Variants in WDR86 observed in about 807,000 individuals in gnomAD.
WDR86 encodes the protein WD repeat-containing protein 86.
WDR86 carries 30 observed loss-of-function variants against 36.5 expected under a neutral mutation model. That is an observed-to-expected ratio of 0.82 (90% CI 0.61 to 1.11). WDR86 has a LOEUF of 1.11. WDR86 is among the 50% of genes most tolerant of loss of function. WDR86 has a pLI of 0.00. For synonymous variants in WDR86, 255 were observed against 252.9 expected, an observed-to-expected ratio of 1.01 and a Z score of -0.08; for missense variants, 545 against 561.2, an observed-to-expected ratio of 0.97 and a Z score of 0.29.
the WDR86 span, among the ~76,000 whole-genome samples, chr7:151,369,969 G>C: frequency 6.6e-6 from 1 of 152,168 alleles, no homozygotes; most frequent in Non-Finnish European, 1.5e-5. Flanking sequence ...GCAGTCACAG[G>C]GTTTCTCCTT....
At chr7:151,374,688 C>G (rs1254338517), downstream of WDR86, 3 of 192,884 alleles carry the variant, frequency 1.6e-5, no homozygotes, top group East Asian at 1.4e-4. Context: ...TTCAAAGAAC[C>G]CCTCAGGAGT....
intron 2 of WDR86, among the ~76,000 whole-genome samples, chr7:151,398,959 G>A (rs1800090469): frequency 6.6e-6 from 1 of 152,064 alleles, no homozygotes. Flanking sequence ...CTTTCTCAGG[G>A]AAGTCAGAGT....
Position 151,385,143 on chromosome 7 carries a change from G to T in WDR86, c.807C>A (p.Arg269=). 6.2e-7 allele frequency: 1 copy of T among 1,612,966 alleles called. No homozygotes were observed. The part of the protein sequence containing the change: ...CWLADTGECV[R]TFTAHRRNVS... ...CGTTGCGTCTGTGGGCCGTGAACGTGCGCACACACTCCCCTGTGTCTGCCA... is the reference window on the plus strand; with the variant it reads ...CGTTGCGTCTGTGGGCCGTGAACGTTCGCACACACTCCCCTGTGTCTGCCA... Residue 269 remains arginine, a synonymous_variant, in exon 4 of 6, where the codon CGC becomes CGA. Coordinates refer to ENST00000334493, the MANE Select transcript of WDR86 (RefSeq NM_198285.3).
At chr7:151,371,153 A>G (rs1797939052), downstream of WDR86, among the ~76,000 whole-genome samples, 1 of 152,192 alleles carries the variant, frequency 6.6e-6, no homozygotes, top group Non-Finnish European at 1.5e-5. Flanking sequence ...CTTCCACCCA[A>G]CAGATGTTGT....
rs781464544 is a variant in WDR86 at position 151,385,165 on chromosome 7, G to A, written c.785C>T (p.Ala262Val). Reference protein sequence around the residue: ...SADRTVKCWLADTGECVRTFT... With the variant: ...SADRTVKCWLVDTGECVRTFT... ...CGTGCGCACACACTCCCCTGTGTCT[G>A]CCAGCCAGCACTTGACGGTCCTGTC... Residue 262 changes from alanine to valine, a missense_variant, in exon 4 of 6, where the codon GCA becomes GTA. Coordinates refer to ENST00000334493, the MANE Select transcript of WDR86 (RefSeq NM_198285.3). 2.5e-6 allele frequency: 4 copies of A among 1,613,114 alleles called. No individual in the cohort carries two copies. Among genetic ancestry groups the A allele is most frequent in the Non-Finnish European group, 3.4e-6 (4 of 1,179,888 alleles).
chr7:151,369,693 G>GCAGGAGAGC, the WDR86 span, among the ~76,000 whole-genome samples: 1 of 152,194 alleles, frequency 6.6e-6, no homozygotes, highest in Non-Finnish European at 1.5e-5. Flanking sequence ...TGGAATATTA[G>GCAGGAGAGC]CAGGAGAGCC....
chr7:151,381,974 C>T lies in WDR86; in HGVS notation c.870G>A (p.Thr290=), dbSNP rs761283689. ...CCCGGGCGCAAGCGTCCCCGCTGCC[C>T]GTGAACACTGCGGACACACAGCGCG... ...ALKYHAGTLF[T]GSGDACARAF... is the part of the protein sequence containing the mutation. The change falls in exon 5 of 6, where the codon ACG becomes ACA. Residue 290 remains threonine, a synonymous_variant. Coordinates refer to ENST00000334493, the MANE Select transcript of WDR86 (RefSeq NM_198285.3). This position sits in a 1 kb window ranked among gnomAD's most constrained non-coding sequence, Gnocchi z 4.8. 4.4e-6 allele frequency: 7 copies of T among 1,602,130 alleles called. No homozygotes were observed. The highest frequency in any genetic ancestry group is 1.7e-5 in the Admixed American group (1 of 58,476).
At chr7:151,378,850 T>C (rs1478927662), downstream of WDR86, among the ~76,000 whole-genome samples, 2 of 152,232 alleles carry the variant, frequency 1.3e-5, no homozygotes, top group African/African-American at 2.4e-5. Context: ...TTAGCCATCA[T>C]AGAAGCAATG....
intron 4 of WDR86, among the ~76,000 whole-genome samples, chr7:151,383,696 T>C (rs1798774065): frequency 6.6e-6 from 1 of 152,186 alleles, no homozygotes. Flanking sequence ...TTTCAGCCCC[T>C]TTCTGCCTTC....
chr7:151,378,888 C>G (rs945024120), downstream of WDR86, among the ~76,000 whole-genome samples: 2 of 152,210 alleles, frequency 1.3e-5, no homozygotes, highest in Non-Finnish European at 2.9e-5. Context: ...AAAACTCTTC[C>G]GTGTCTTGTG....
chr7:151,403,241 C>A (rs528568302), intron 1 of WDR86, among the ~76,000 whole-genome samples: 1 of 152,068 alleles, frequency 6.6e-6, no homozygotes, highest in Admixed American at 6.5e-5. Context: ...AGGTGCAGAA[C>A]GTGTTGGGCA....
intron 1 of WDR86, chr7:151,408,900 T>C (rs755405943): frequency 3.2e-5 from 15 of 471,172 alleles, no homozygotes; most frequent in South Asian, 1.9e-4. Context: ...ACTCCCAGCC[T>C]GTTTCCACGT....
intron 4 of WDR86, among the ~76,000 whole-genome samples, chr7:151,383,361 T>C (rs556918974): frequency 4.6e-5 from 7 of 151,832 alleles, no homozygotes; most frequent in Non-Finnish European, 8.8e-5. Flanking sequence ...GTAGTCCCAG[T>C]TACTTAGGAG....
downstream of WDR86, among the ~76,000 whole-genome samples, chr7:151,380,632 C>A (rs1043757002): frequency 1.2e-4 from 18 of 152,074 alleles, no homozygotes; most frequent in African/African-American, 4.3e-4. Flanking sequence ...CCTGCAGGGC[C>A]CCTCGGCAGA....
Position 151,381,392 on chromosome 7 carries a change from G to A in WDR86, c.*190C>T, listed in dbSNP as rs1429513324. 1.4e-6 allele frequency: 2 copies of A among 1,466,900 alleles called. No homozygotes were observed. The highest frequency in any genetic ancestry group is 1.8e-6 in the Non-Finnish European group (2 of 1,118,844). 90.9% of individuals were successfully genotyped at this position (1,466,900 alleles called of 1,614,324 possible). ...GAAAAGGGGGCGGTCCCCAGGGCGA[G>A]CACTCCCGCTCCCAGCGCCTCCTGG... On this transcript the variant is annotated 3_prime_UTR_variant, in exon 6 of 6. Coordinates refer to ENST00000334493, the MANE Select transcript of WDR86 (RefSeq NM_198285.3). This position sits in a 1 kb window ranked among gnomAD's most constrained non-coding sequence, Gnocchi z 4.8.
chr7:151,395,570 A>C (rs1799758324), intron 3 of WDR86, among the ~76,000 whole-genome samples: 1 of 152,034 alleles, frequency 6.6e-6, no homozygotes. Flanking sequence ...TCTGCAGGTT[A>C]AGGAGAGGCC....
intron 1 of WDR86, among the ~76,000 whole-genome samples, chr7:151,402,070 AATATATATAT>A (rs748373598): frequency 3.0e-4 from 15 of 50,546 alleles, no homozygotes; most frequent in Non-Finnish European, 5.0e-4. Context: ...AAAAAAAAAA[AATATATATAT>A]ATATATATAT....
chr7:151,375,525 G>C (rs1002299181), downstream of WDR86, among the ~76,000 whole-genome samples: 13 of 152,208 alleles, frequency 8.5e-5, no homozygotes, highest in African/African-American at 3.1e-4. Flanking sequence ...CAATCAGGCA[G>C]CCCTGAGCTG....
upstream of WDR86, among the ~76,000 whole-genome samples, chr7:151,410,275 G>A (rs932185375): frequency 6.6e-6 from 1 of 152,238 alleles, no homozygotes; most frequent in Non-Finnish European, 1.5e-5. Context: ...GACGAGGGAG[G>A]GGGAGGCGGA....
Sources: gnomAD v4.1 joint callset for allele counts (sites outside exome capture counted in the v4.1 genomes callset) on GRCh38, gnomAD v4.1.1 for gene constraint, Gnocchi (gnomAD v3.1) non-coding constraint, MANE v1.5 for transcripts, NCBI Gene and HGNC (gene_info 2026-07-23, HGNC 2026-07-21) for gene names.